GLG1: variants seen among roughly 807,000 people sequenced by gnomAD.
The protein encoded by GLG1 is Golgi apparatus protein 1.
GLG1 carries 38 observed loss-of-function variants against 160.5 expected under a neutral mutation model. The observed-to-expected ratio is 0.24, with a 90% CI of 0.18 to 0.31. The LOEUF (loss-of-function observed/expected upper bound fraction) is 0.31, where lower values mean the gene tolerates loss of function less well. Among genes scored for constraint, GLG1 ranks in the 10% least tolerant of loss-of-function variants. The pLI is 1.00. For synonymous variants in GLG1, 644 were observed against 543.4 expected, an observed-to-expected ratio of 1.19 and a Z score of -2.57; for missense variants, 1,373 against 1,505.2, an observed-to-expected ratio of 0.91 and a Z score of 1.45.
At chr16:74,525,767 A>C (rs2550820) in intron 2 of GLG1, among the ~76,000 whole-genome samples, 1 of 146,704 alleles carries the variant, frequency 6.8e-6, no homozygotes. Context: ...CCTTTATCAG[A>C]TATATGATTT....
chr16:74,483,976 C>CT lies in GLG1; in HGVS notation c.1572-853dup, dbSNP rs201119961. On this transcript the variant is annotated intron_variant, in intron 9 of 25. Transcript: ENST00000422840. ...GCCCGGCCCAGATATTTTCAATTAT[C>CT]TTTTTTTTTCACAAGTTTGTTCAAA... Among the ~76,000 whole-genome samples the CT allele has an allele frequency of 7.2e-4, 109 of 151,322 alleles. 1 individual carries two copies. The East Asian group carries it at 0.018, about 24-fold the overall frequency.
rs574799698 is a variant in GLG1, at chr16:74,452,048, C to A, written c.*1119G>T. 6.2e-7 allele frequency: 1 copy of A among 1,604,352 alleles called. No homozygotes were observed. Among genetic ancestry groups the A allele is most frequent in the South Asian group, 1.1e-5 (1 of 90,872 alleles). On this transcript the variant is annotated 3_prime_UTR_variant, in exon 26 of 26. Coordinates refer to ENST00000422840, the MANE Select transcript of GLG1 (RefSeq NM_001145667.2). ...GTCTGGGAAGTTTGTCTGGAGTGTGCAGAAAGGTCAGGCTGGACTGCCTGT... is the reference window on the plus strand; with the variant it reads ...GTCTGGGAAGTTTGTCTGGAGTGTGAAGAAAGGTCAGGCTGGACTGCCTGT...
chr16:74,468,226 CTTTTTTTTT>C (rs201829157), intron 17 of GLG1: 52 of 83,324 alleles, frequency 6.2e-4, no homozygotes, highest in African/African-American at 2.1e-3. Context: ...CTTGAAATGT[CTTTTTTTTT>C]TTTTTTTTTT....
intron 2 of GLG1, among the ~76,000 whole-genome samples, chr16:74,519,145 CT>C (rs1367436985): frequency 6.6e-6 from 1 of 152,098 alleles, no homozygotes; most frequent in Admixed American, 6.5e-5. Context: ...CTGTGGAATA[CT>C]ATGCAGCCAT....
intron 12 of GLG1, among the ~76,000 whole-genome samples, chr16:74,475,820 T>A (rs976785817): frequency 6.6e-6 from 1 of 151,712 alleles, no homozygotes; most frequent in African/African-American, 2.4e-5. Flanking sequence ...GAAGAAGAAA[T>A]AAAAAAGCTA....
Position 74,607,099 on chromosome 16 carries a change from A to G in GLG1, c.-5T>C, listed in dbSNP as rs1389170824. On this transcript the variant is annotated 5_prime_UTR_variant, in exon 1 of 26. Coordinates refer to ENST00000422840, the MANE Select transcript of GLG1 (RefSeq NM_001145667.2). ...TACACGTCCACACGCCGCCATCTTG[A>G]GTCCGCGGCGAGCTCGACGCACTCG... 4.6e-6 allele frequency: 7 copies of G among 1,526,342 alleles called. No individual in the cohort carries two copies. The Admixed American group carries it at 1.4e-4, about 31-fold the overall frequency. 94.5% of individuals were successfully genotyped at this position (1,526,342 alleles called of 1,614,324 possible). A position where few individuals can be genotyped will look rare whatever the true frequency, so the allele number is the denominator to read the frequency against.
rs956091215 is a variant in GLG1 at position 74,453,078 on chromosome 16, G to T, written c.*89C>A. On this transcript the variant is annotated 3_prime_UTR_variant, in exon 26 of 26. Coordinates refer to ENST00000422840, the MANE Select transcript of GLG1 (RefSeq NM_001145667.2). ...CTAACACGGGGTTGGTGTCACTTCT[G>T]AGAAGAGCGAGGTGAGTGGGGATGC... 6.5e-7 allele frequency: 1 copy of T among 1,544,026 alleles called. No individual in the cohort carries two copies. Among genetic ancestry groups the T allele is most frequent in the Non-Finnish European group, 8.7e-7 (1 of 1,145,788 alleles).
rs114040242 is a variant in GLG1, at chr16:74,603,997, A to G, written c.438+2660T>C. ...ATCCGAGAGCGTTAAAAAAAAAAAA[A>G]AAGAATCCCAAGGCCAGGCACAGTG... On this transcript the variant is annotated intron_variant, in intron 1 of 25. Transcript: ENST00000422840. 6.9e-3 allele frequency among the ~76,000 whole-genome samples: 1,046 copies of G among 152,096 alleles called. 13 individuals carry two copies. Among genetic ancestry groups the G allele is most frequent in the African/African-American group, 0.023 (959 of 41,470 alleles).
Position 74,459,716 on chromosome 16 carries a change from T to G in GLG1, c.3110A>C (p.Asn1037Thr), listed in dbSNP as rs150531743. Residue 1037 changes from asparagine (N) to threonine (T), a missense_variant, in exon 23 of 26, where the codon AAC becomes ACC. Coordinates refer to ENST00000422840, the MANE Select transcript of GLG1 (RefSeq NM_001145667.2). ...TGQVEECLKV[N>T]LLKIKTELCK... The stretch of plus-strand genomic sequence containing the variant: ...CAATTCTGTTTTGATCTTGAGCAGG[T>G]TGACCTTGAGGCACTCCTCCACCTG... 6.2e-7 allele frequency: 1 copy of G among 1,602,410 alleles called. No homozygotes were observed. Among genetic ancestry groups the G allele is most frequent in the African/African-American group, 1.3e-5 (1 of 74,516 alleles).
intron 10 of GLG1, 21 bp from the exon 11 acceptor site, chr16:74,480,415 A>T: frequency 6.3e-7 from 1 of 1,576,098 alleles, no homozygotes; most frequent in East Asian, 2.2e-5. Flanking sequence ...AAGAGTTAAA[A>T]GATAACCACT....
chr16:74,566,142 C>A (rs541423820), intron 1 of GLG1, among the ~76,000 whole-genome samples: 11 of 152,282 alleles, frequency 7.2e-5, no homozygotes, highest in African/African-American at 2.2e-4. Context: ...TCACTCATAA[C>A]GTCAACTTTG....
At chr16:74,526,447 G>C (rs546350786) in intron 2 of GLG1, among the ~76,000 whole-genome samples, 2 of 146,066 alleles carry the variant, frequency 1.4e-5, no homozygotes, top group African/African-American at 2.6e-5. Context: ...CTTTGGGCCG[G>C]GTATAGCAGC....
At chr16:74,524,226 T>C (rs1268718781) in intron 2 of GLG1, among the ~76,000 whole-genome samples, 1 of 151,840 alleles carries the variant, frequency 6.6e-6, no homozygotes, top group Non-Finnish European at 1.5e-5. Context: ...AAAAAAAGAA[T>C]AAAAAAAATG....
At chr16:74,487,865 G>C (rs1314498745) in intron 8 of GLG1, among the ~76,000 whole-genome samples, 1 of 152,114 alleles carries the variant, frequency 6.6e-6, no homozygotes, top group Non-Finnish European at 1.5e-5. Flanking sequence ...CTGGAATTTA[G>C]TGACAGTAGC....
chr16:74,538,912 G>C (rs1292790569), intron 1 of GLG1, among the ~76,000 whole-genome samples: 1 of 151,456 alleles, frequency 6.6e-6, no homozygotes, highest in East Asian at 2.0e-4. Flanking sequence ...GTCAGTCAGA[G>C]AAAGTTTCAT....
At chr16:74,584,115 T>G (rs1957995724) in intron 1 of GLG1, among the ~76,000 whole-genome samples, 1 of 152,124 alleles carries the variant, frequency 6.6e-6, no homozygotes, top group South Asian at 2.1e-4. Context: ...CCGAGTAATT[T>G]CCTTAACTAT....
chr16:74,605,663 G>A (rs1245605579), intron 1 of GLG1, among the ~76,000 whole-genome samples: 2 of 152,018 alleles, frequency 1.3e-5, no homozygotes, highest in East Asian at 3.9e-4. Context: ...GATGAAGGGG[G>A]GAAATGCCAA....
At chr16:74,456,481 C>CT (rs1567453083) in intron 25 of GLG1, 168 bp downstream of exon 25, 3 of 596,580 alleles carry the variant, frequency 5.0e-6, no homozygotes, top group Non-Finnish European at 8.8e-6. Flanking sequence ...TTCAAACGCA[C>CT]TTATTGCTAG....
intron 11 of GLG1, 135 bp downstream of exon 11, chr16:74,480,106 G>C (rs2015543914): frequency 1.4e-6 from 1 of 697,718 alleles, no homozygotes; most frequent in Admixed American, 2.7e-5. Flanking sequence ...GAAGTTTCTA[G>C]AAGTGCAGCA....
Sources: allele counts gnomAD v4.1 joint callset (sites outside exome capture counted in the v4.1 genomes callset), GRCh38; gene constraint gnomAD v4.1.1; transcripts MANE v1.5; gene names NCBI Gene and HGNC (gene_info 2026-07-23, HGNC 2026-07-21).